The following VPS41 variants were observed in gnomAD, a reference collection of about 807,000 sequenced individuals.
The protein encoded by VPS41 is vacuolar protein sorting-associated protein 41 homolog.
VPS41 carries 85 observed loss-of-function variants against 130.9 expected under a neutral mutation model. The observed-to-expected ratio is 0.65, with a 90% CI of 0.55 to 0.78. The LOEUF is 0.78. Among genes scored for constraint, VPS41 ranks in the 30% least tolerant of loss-of-function variants. VPS41 has a pLI of 0.00. For missense variants in VPS41, 874 were observed against 1,018.7 expected (o/e 0.86, Z 1.93); for synonymous variants, 335 against 332.9 (o/e 1.01, Z -0.07).
At chr7:38,828,577 G>A (rs1164561536) in intron 5 of VPS41, among the ~76,000 whole-genome samples, 1 of 152,110 alleles carries the variant, frequency 6.6e-6, no homozygotes, top group Non-Finnish European at 1.5e-5. Flanking sequence ...CACTTTACCA[G>A]ATCATTCTAT....
chr7:38,725,421 C>G lies in VPS41; in HGVS notation c.*825G>C, dbSNP rs578189163. On this transcript the variant is annotated 3_prime_UTR_variant, in exon 29 of 29. Transcript: ENST00000310301. ...GAGGCACCCTCAGTTTTCAGGGTCA[C>G]TGGTTTCCTCCCTCCTGGCAAACTC... 1.3e-5 allele frequency: 2 copies of G among 152,246 alleles called. No individual in the cohort carries two copies. The highest frequency in any genetic ancestry group is 2.4e-5 in the African/African-American group (1 of 41,466). 9.4% of individuals were successfully genotyped at this position (152,246 alleles called of 1,614,324 possible).
At position 38,731,615 on chromosome 7, in the gene VPS41, A is replaced by G. The variant is rs137908964; in HGVS notation, c.2260-2824T>C. ...ACCACAGACTATCATCACCTTCCCC[A>G]TCTCCCTTCTAACTTGCAAATGTGA... On this transcript the variant is annotated intron_variant, in intron 25 of 28. Transcript: ENST00000310301. Among the ~76,000 whole-genome samples the G allele has an allele frequency of 2.5e-3, 374 of 152,034 alleles. 2 individuals carry two copies. The highest frequency in any genetic ancestry group is 8.2e-3 in the African/African-American group (342 of 41,478).
chr7:38,851,101 C>G (rs190623210), intron 4 of VPS41, among the ~76,000 whole-genome samples: 1 of 152,298 alleles, frequency 6.6e-6, no homozygotes, highest in Non-Finnish European at 1.5e-5. Flanking sequence ...ACATCACTCA[C>G]TATGTGTACA....
intron 25 of VPS41, among the ~76,000 whole-genome samples, chr7:38,735,728 T>C (rs1425826699): frequency 1.3e-5 from 2 of 152,222 alleles, no homozygotes; most frequent in Non-Finnish European, 2.9e-5. Context: ...CTCATGTATC[T>C]GAATAAATGT....
chr7:38,755,931 T>C (rs1783780841), intron 19 of VPS41, among the ~76,000 whole-genome samples: 1 of 152,148 alleles, frequency 6.6e-6, no homozygotes, highest in Admixed American at 6.6e-5. Flanking sequence ...CGTAAATCTG[T>C]AGTCCCTAAA....
chr7:38,788,875 G>A (rs989048798), intron 10 of VPS41, among the ~76,000 whole-genome samples: 1 of 152,068 alleles, frequency 6.6e-6, no homozygotes, highest in African/African-American at 2.4e-5. Flanking sequence ...TAGTCATGTG[G>A]GTAATGTATG....
At chr7:38,728,307 G>C in intron 27 of VPS41, 1 of 675,038 alleles carries the variant, frequency 1.5e-6, no homozygotes, top group East Asian at 2.7e-5. Flanking sequence ...AGCGATCTGG[G>C]TTCCAATAAG....
At chr7:38,862,942 G>C (rs952404695) in intron 3 of VPS41, among the ~76,000 whole-genome samples, 1 of 152,110 alleles carries the variant, frequency 6.6e-6, no homozygotes, top group African/African-American at 2.4e-5. Flanking sequence ...GTGAAAACAC[G>C]ACCAACCTAC....
intron 10 of VPS41, among the ~76,000 whole-genome samples, chr7:38,789,289 G>A (rs186197640): frequency 8.3e-4 from 126 of 152,238 alleles, no homozygotes; most frequent in Non-Finnish European, 1.5e-3. Flanking sequence ...ACTGGAACCC[G>A]TGACAAGTGC....
intron 5 of VPS41, among the ~76,000 whole-genome samples, chr7:38,830,002 A>G (rs1785356074): frequency 6.6e-6 from 1 of 152,234 alleles, no homozygotes; most frequent in Admixed American, 6.5e-5. Flanking sequence ...GATTAAGGTG[A>G]CACGTCACCC....
At chr7:38,858,711 G>A (rs1206729531) in intron 4 of VPS41, among the ~76,000 whole-genome samples, 1 of 152,150 alleles carries the variant, frequency 6.6e-6, no homozygotes, top group Non-Finnish European at 1.5e-5. Context: ...TGTCTGTGAT[G>A]ATGCTAGTGT....
intron 25 of VPS41, among the ~76,000 whole-genome samples, chr7:38,738,933 G>A (rs535436778): frequency 6.6e-6 from 1 of 152,230 alleles, no homozygotes; most frequent in East Asian, 1.9e-4. Context: ...GCTAACCTTC[G>A]GTTGAAGAGA....
At chr7:38,826,879 C>T (rs994808341) in intron 5 of VPS41, among the ~76,000 whole-genome samples, 1 of 152,044 alleles carries the variant, frequency 6.6e-6, no homozygotes, top group African/African-American at 2.4e-5. Context: ...AGTGCAGTGG[C>T]GTGATCTCAG....
At chr7:38,890,440 T>C (rs1422118140) in intron 2 of VPS41, among the ~76,000 whole-genome samples, 2 of 152,174 alleles carry the variant, frequency 1.3e-5, no homozygotes, top group African/African-American at 2.4e-5. Flanking sequence ...GATGAAACTG[T>C]CCTGTATTTT....
chr7:38,806,138 G>C (rs1294136751), intron 7 of VPS41, among the ~76,000 whole-genome samples: 3 of 152,146 alleles, frequency 2.0e-5, no homozygotes, highest in Admixed American at 1.3e-4. Context: ...ATGAGCATGT[G>C]GTAAAATAGG....
chr7:38,767,296 GA>G (rs951270505), intron 15 of VPS41, among the ~76,000 whole-genome samples: 2 of 151,102 alleles, frequency 1.3e-5, no homozygotes, highest in African/African-American at 4.9e-5. Flanking sequence ...TTAATAATGA[GA>G]AAAAAAATTC....
chr7:38,860,169 C>G (rs922608789), intron 4 of VPS41, among the ~76,000 whole-genome samples: 5 of 152,270 alleles, frequency 3.3e-5, no homozygotes, highest in African/African-American at 9.6e-5. Flanking sequence ...AACAGGATGT[C>G]AACCTAGGCA....
intron 2 of VPS41, among the ~76,000 whole-genome samples, chr7:38,871,485 C>A (rs557153862): frequency 1.3e-5 from 2 of 152,274 alleles, no homozygotes; most frequent in South Asian, 4.1e-4. Flanking sequence ...AACAAACAAA[C>A]CCTACTGAGA....
chr7:38,767,438 AAAAAT>A, intron 15 of VPS41, 94 bp downstream of exon 15: 1 of 694,276 alleles, frequency 1.4e-6, no homozygotes, highest in Non-Finnish European at 2.3e-6. Flanking sequence ...AAAGATGTAC[AAAAAT>A]AAAATGTCAA....
Sources: gnomAD v4.1 joint callset for allele counts (sites outside exome capture counted in the v4.1 genomes callset) on GRCh38, gnomAD v4.1.1 for gene constraint, MANE v1.5 for transcripts, NCBI Gene and HGNC (gene_info 2026-07-23, HGNC 2026-07-21) for gene names.